The following WWOX variants were observed in gnomAD, a reference collection of about 807,000 sequenced individuals.
WWOX encodes WW domain-containing oxidoreductase.
Under a neutral mutation model 46.2 loss-of-function variants are expected in WWOX, and 69 were observed. That is an observed-to-expected ratio of 1.49 (90% CI 1.23 to 1.82). The LOEUF (loss-of-function observed/expected upper bound fraction) is 1.82, where lower values mean the gene tolerates loss of function less well. Ranked by LOEUF, WWOX falls within the 40% of genes most tolerant of loss-of-function variation. The pLI is 0.00. For synonymous variants in WWOX, 359 were observed against 202.6 expected (o/e 1.77, Z -6.56); for missense variants, 919 against 542.6 (o/e 1.69, Z -6.89).
chr16:78,203,061 C>T (rs2036283272), intron 5 of WWOX, among the ~76,000 whole-genome samples: 1 of 152,172 alleles, frequency 6.6e-6, no homozygotes, highest in Admixed American at 6.6e-5. Context: ...AAAACACAAT[C>T]ACATCCTGCC....
At chr16:78,628,974 T>G (rs558398226) in intron 8 of WWOX, among the ~76,000 whole-genome samples, 1 of 152,204 alleles carries the variant, frequency 6.6e-6, no homozygotes, top group Non-Finnish European at 1.5e-5. Flanking sequence ...AGAATTACTT[T>G]CCATTCTCAG....
intron 8 of WWOX, among the ~76,000 whole-genome samples, chr16:78,650,772 C>A (rs374471181): frequency 1.7e-4 from 26 of 152,254 alleles, no homozygotes; most frequent in African/African-American, 5.8e-4. Flanking sequence ...TGCCATGTCT[C>A]CCCCTGTCCC....
chr16:78,587,407 T>G (rs2045236111), intron 8 of WWOX, among the ~76,000 whole-genome samples: 1 of 152,040 alleles, frequency 6.6e-6, no homozygotes, highest in African/African-American at 2.4e-5. Flanking sequence ...CTGATAAGAA[T>G]AATAAAAAGA....
chr16:79,212,176 C>A lies in WWOX; in HGVS notation c.*380C>A, dbSNP rs750972101. ...CCAGCTACCACCACGGCCACCACTGCAGCCGGGGGCTGGCCTTCTCCTACT... is the reference window on the plus strand; with the variant it reads ...CCAGCTACCACCACGGCCACCACTGAAGCCGGGGGCTGGCCTTCTCCTACT... On this transcript the variant is annotated 3_prime_UTR_variant, in exon 9 of 9. Coordinates refer to ENST00000566780, the MANE Select transcript of WWOX (RefSeq NM_016373.4). 6.7e-7 allele frequency: 1 copy of A among 1,481,982 alleles called. No homozygotes were observed. The highest frequency in any genetic ancestry group is 8.9e-7 in the Non-Finnish European group (1 of 1,123,366). 91.8% of individuals were successfully genotyped at this position (1,481,982 alleles called of 1,614,324 possible). A position where few individuals can be genotyped will look rare whatever the true frequency, so the allele number is the denominator to read the frequency against.
chr16:78,163,358 C>T (rs1331444125), intron 4 of WWOX, among the ~76,000 whole-genome samples: 1 of 152,194 alleles, frequency 6.6e-6, no homozygotes, highest in Non-Finnish European at 1.5e-5. Context: ...CTTGTTATTA[C>T]AGCGAGGGTA....
intron 8 of WWOX, among the ~76,000 whole-genome samples, chr16:79,210,015 A>G (rs754817836): frequency 6.6e-6 from 1 of 152,190 alleles, no homozygotes; most frequent in African/African-American, 2.4e-5. Flanking sequence ...GAGGTAACAA[A>G]CCAGCTACTA....
chr16:78,921,235 C>T (rs1264311487), intron 8 of WWOX, among the ~76,000 whole-genome samples: 1 of 152,122 alleles, frequency 6.6e-6, no homozygotes, highest in African/African-American at 2.4e-5. Context: ...AGACATTAGC[C>T]TCGAAACCGC....
intron 8 of WWOX, among the ~76,000 whole-genome samples, chr16:78,827,082 T>C (rs557277426): frequency 2.3e-4 from 35 of 152,296 alleles, no homozygotes; most frequent in Middle Eastern, 3.4e-3. Flanking sequence ...CTGGTTTCTC[T>C]GGTCACAAAC....
At chr16:78,426,010 T>C (rs746535855) in intron 7 of WWOX, among the ~76,000 whole-genome samples, 10 of 152,278 alleles carry the variant, frequency 6.6e-5, no homozygotes, top group Non-Finnish European at 1.5e-4. Context: ...CTTGAACCCT[T>C]TATCACTCCC....
At chr16:78,623,161 T>C (rs1185199248) in intron 8 of WWOX, among the ~76,000 whole-genome samples, 1 of 151,606 alleles carries the variant, frequency 6.6e-6, no homozygotes, top group Non-Finnish European at 1.5e-5. Context: ...AGAACCCAGC[T>C]CAGCCATGCC....
chr16:79,152,442 C>T (rs565090531), intron 8 of WWOX, among the ~76,000 whole-genome samples: 1 of 152,182 alleles, frequency 6.6e-6, no homozygotes, highest in South Asian at 2.1e-4. Context: ...GACGATGAGG[C>T]GGGCGGATCA....
chr16:78,719,448 CAT>C (rs2048642820), intron 8 of WWOX, among the ~76,000 whole-genome samples: 1 of 152,212 alleles, frequency 6.6e-6, no homozygotes, highest in South Asian at 2.1e-4. Context: ...TGGACTGTCA[CAT>C]GTGCACTGAA....
At chr16:78,178,094 T>C (rs1406464185) in intron 5 of WWOX, among the ~76,000 whole-genome samples, 1 of 152,152 alleles carries the variant, frequency 6.6e-6, no homozygotes. Context: ...ACTTTACTGT[T>C]TGAATCAGGA....
At chr16:78,631,897 T>A (rs1367981748) in intron 8 of WWOX, among the ~76,000 whole-genome samples, 1 of 152,214 alleles carries the variant, frequency 6.6e-6, no homozygotes, top group African/African-American at 2.4e-5. Flanking sequence ...CTGTCTTACA[T>A]GCACTTTTTG....
At chr16:78,658,894 C>A (rs963796619) in intron 8 of WWOX, among the ~76,000 whole-genome samples, 4 of 147,216 alleles carry the variant, frequency 2.7e-5, no homozygotes, top group South Asian at 4.3e-4. Flanking sequence ...GAGTTTGAGA[C>A]CAGCCTGGCC....
chr16:78,487,721 A>T (rs936946136), intron 8 of WWOX, among the ~76,000 whole-genome samples: 1 of 152,048 alleles, frequency 6.6e-6, no homozygotes, highest in Admixed American at 6.6e-5. Context: ...GATGTTGGCA[A>T]ATGTCTGGCC....
At chr16:78,261,788 CTA>C (rs71384369) in intron 5 of WWOX, among the ~76,000 whole-genome samples, 3,619 of 73,554 alleles carry the variant, frequency 0.049, 83 homozygotes, top group Middle Eastern at 0.082. Context: ...ATCTATCTAT[CTA>C]TATATATATA....
intron 5 of WWOX, among the ~76,000 whole-genome samples, chr16:78,277,476 T>C (rs1205852490): frequency 6.6e-6 from 1 of 151,836 alleles, no homozygotes; most frequent in South Asian, 2.1e-4. Context: ...CATACCGACA[T>C]CACAGAATTC....
chr16:78,878,129 G>T (rs1475618870), intron 8 of WWOX, among the ~76,000 whole-genome samples: 3 of 152,158 alleles, frequency 2.0e-5, no homozygotes, highest in African/African-American at 7.2e-5. Flanking sequence ...GAATACAACT[G>T]CCCTGCCTCT....
Sources: allele counts gnomAD v4.1 joint callset (sites outside exome capture counted in the v4.1 genomes callset), GRCh38; gene constraint gnomAD v4.1.1; transcripts MANE v1.5; gene names NCBI Gene and HGNC (gene_info 2026-07-23, HGNC 2026-07-21).